The following DNM3 variants were observed in gnomAD, a reference collection of about 807,000 sequenced individuals.
The protein encoded by DNM3 is dynamin-3.
DNM3 carries 47 observed loss-of-function variants against 101.6 expected under a neutral mutation model. The observed-to-expected ratio is 0.46, with a 90% CI of 0.37 to 0.59. DNM3 has a LOEUF of 0.59. Among genes scored for constraint, DNM3 ranks in the 20% least tolerant of loss-of-function variants. DNM3 has a pLI of 0.00. For synonymous variants in DNM3, 385 were observed against 387.9 expected (o/e 0.99, Z 0.09); for missense variants, 849 against 1,085.7 (o/e 0.78, Z 3.06).
chr1:171,865,770 C>A (rs1261235569), intron 1 of DNM3, among the ~76,000 whole-genome samples: 1 of 152,090 alleles, frequency 6.6e-6, no homozygotes, highest in Non-Finnish European at 1.5e-5. Flanking sequence ...AAAACAATTT[C>A]TCATATTTTA....
intron 14 of DNM3, among the ~76,000 whole-genome samples, chr1:172,178,043 C>A (rs973948159): frequency 2.0e-5 from 3 of 151,898 alleles, no homozygotes; most frequent in East Asian, 1.9e-4. Flanking sequence ...CATGCCTAGG[C>A]TGTTTGTTTT....
intron 10 of DNM3, among the ~76,000 whole-genome samples, chr1:172,060,388 A>T (rs958188682): frequency 2.3e-4 from 19 of 83,152 alleles, no homozygotes; most frequent in Non-Finnish European, 3.8e-4. Context: ...CGCATCACCA[A>T]GTCAATCCTA....
At chr1:172,403,259 G>A (rs2070641062) in intron 20 of DNM3, among the ~76,000 whole-genome samples, 1 of 152,078 alleles carries the variant, frequency 6.6e-6, no homozygotes, top group Non-Finnish European at 1.5e-5. Flanking sequence ...GAGAAATAAG[G>A]GCAGGGACAG....
chr1:171,953,729 C>T (rs1435051020), intron 2 of DNM3, among the ~76,000 whole-genome samples: 2 of 152,044 alleles, frequency 1.3e-5, no homozygotes, highest in African/African-American at 4.8e-5. Context: ...GACCCCAATT[C>T]TTTATTTTAT....
chr1:172,207,905 T>G (rs2060377485), intron 14 of DNM3, among the ~76,000 whole-genome samples: 1 of 152,096 alleles, frequency 6.6e-6, no homozygotes, highest in African/African-American at 2.4e-5. Context: ...TCATGCTTTT[T>G]AGAGAATACA....
chr1:172,368,969 A>G (rs536377308), intron 17 of DNM3, among the ~76,000 whole-genome samples: 1 of 152,022 alleles, frequency 6.6e-6, no homozygotes, highest in East Asian at 1.9e-4. Context: ...ACAATTCGGT[A>G]ACGAAACTGA....
At chr1:172,279,092 G>A (rs1250224960) in intron 15 of DNM3, among the ~76,000 whole-genome samples, 1 of 152,112 alleles carries the variant, frequency 6.6e-6, no homozygotes, top group Non-Finnish European at 1.5e-5. Flanking sequence ...TTGATGCTTT[G>A]CCACCTTTGG....
chr1:172,236,625 G>A (rs1434732399), intron 14 of DNM3, among the ~76,000 whole-genome samples: 1 of 151,966 alleles, frequency 6.6e-6, no homozygotes, highest in African/African-American at 2.4e-5. Flanking sequence ...GGAAAAGGAG[G>A]GGAAGAAGAA....
intron 14 of DNM3, among the ~76,000 whole-genome samples, chr1:172,185,126 G>C (rs2059479065): frequency 6.6e-6 from 1 of 152,074 alleles, no homozygotes; most frequent in Non-Finnish European, 1.5e-5. Flanking sequence ...TTGCCTCAGT[G>C]GTCTTTGACG....
At chr1:172,126,718 CT>C (rs553434172) in intron 13 of DNM3, among the ~76,000 whole-genome samples, 1,680 of 145,610 alleles carry the variant, frequency 0.012, 21 homozygotes, top group African/African-American at 0.034. Flanking sequence ...ACGGTACCTG[CT>C]TTTTTTTTTT....
At chr1:172,035,033 A>T (rs924545852) in intron 6 of DNM3, among the ~76,000 whole-genome samples, 4 of 152,150 alleles carry the variant, frequency 2.6e-5, no homozygotes, top group Non-Finnish European at 5.9e-5. Context: ...AGAAGTAAAA[A>T]TGAGAAATTA....
At chr1:171,881,877 C>T (rs555167993) in intron 1 of DNM3, among the ~76,000 whole-genome samples, 7 of 152,190 alleles carry the variant, frequency 4.6e-5, no homozygotes, top group African/African-American at 1.7e-4. Context: ...TATTAATTGG[C>T]GTGAAAACGT....
At chr1:172,354,142 A>AGAGAGAGAG (rs1553242888) in intron 17 of DNM3, among the ~76,000 whole-genome samples, 2 of 149,582 alleles carry the variant, frequency 1.3e-5, no homozygotes, top group African/African-American at 2.5e-5. Context: ...AGAGAGAGAG[A>AGAGAGAGAG]AATAAGACAT....
At chr1:171,920,950 A>T (rs1183616047) in intron 1 of DNM3, among the ~76,000 whole-genome samples, 4 of 152,130 alleles carry the variant, frequency 2.6e-5, no homozygotes, top group African/African-American at 9.7e-5. Context: ...TTTAGACAAG[A>T]GTCTCACTCT....
chr1:172,245,324 C>T (rs2061908716), intron 14 of DNM3, among the ~76,000 whole-genome samples: 1 of 152,178 alleles, frequency 6.6e-6, no homozygotes. Flanking sequence ...AGAGCATAGA[C>T]ACACTTAGGT....
At chr1:172,369,059 A>C (rs1022963868) in intron 17 of DNM3, among the ~76,000 whole-genome samples, 2 of 151,984 alleles carry the variant, frequency 1.3e-5, no homozygotes, top group Non-Finnish European at 2.9e-5. Flanking sequence ...ACCTTAAAAG[A>C]AGAATTAACA....
intron 15 of DNM3, among the ~76,000 whole-genome samples, chr1:172,278,532 C>G (rs2063373648): frequency 6.6e-6 from 1 of 152,112 alleles, no homozygotes; most frequent in East Asian, 1.9e-4. Context: ...ACAGGTTGGA[C>G]AAGTTTGAAT....
intron 1 of DNM3, among the ~76,000 whole-genome samples, chr1:171,883,024 A>G (rs948384888): frequency 6.6e-6 from 1 of 151,698 alleles, no homozygotes; most frequent in Admixed American, 6.6e-5. Flanking sequence ...ACATATTAAT[A>G]TGTATAAAAA....
intron 2 of DNM3, among the ~76,000 whole-genome samples, chr1:171,961,204 G>A (rs1473826831): frequency 6.6e-6 from 1 of 152,134 alleles, no homozygotes; most frequent in Non-Finnish European, 1.5e-5. Context: ...CAAGGAAGAA[G>A]AGAAGAGGAT....
Sources: allele counts gnomAD v4.1 joint callset (sites outside exome capture counted in the v4.1 genomes callset), GRCh38; gene constraint gnomAD v4.1.1; transcripts MANE v1.5; gene names NCBI Gene and HGNC (gene_info 2026-07-23, HGNC 2026-07-21).